Variants in KCNQ1OT1 observed in about 807,000 individuals in gnomAD.
KCNQ1OT1 encodes the protein KCNQ1 opposite strand/antisense transcript 1.
Position 2,642,549 on chromosome 11 carries a change from T to A in KCNQ1OT1, n.57446A>T, listed in dbSNP as rs1849596098. ...TTTTTCATTTTTGATTTTATTCATG[T>A]AGGTCTTCTCTCTTTTCTTCTTGGA... is the stretch of plus-strand genomic sequence containing the variant. On this transcript the variant is annotated non_coding_transcript_exon_variant, in exon 1 of 1. Coordinates refer to ENST00000597346, the Ensembl canonical transcript of KCNQ1OT1. This position sits in a 1 kb window ranked among gnomAD's most constrained non-coding sequence, Gnocchi z 4.3. 2 of 397,914 alleles carry A rather than the reference T, an allele frequency of 5.0e-6. No individual in the cohort carries two copies. The highest frequency in any genetic ancestry group is 8.9e-6 in the Non-Finnish European group (2 of 225,724). The allele number at this position is 397,914 out of a possible 1,614,324, so 24.6% of individuals were successfully genotyped here.
At chr11:2,632,066 C>A (rs1355979212) in exon 1 of KCNQ1OT1, 1 of 396,280 alleles carries the variant, frequency 2.5e-6, no homozygotes, top group Admixed American at 4.4e-5. Flanking sequence ...GCCTGTAGTC[C>A]CAGCTACTTG....
rs548417410 is a variant in KCNQ1OT1 at position 2,610,913 on chromosome 11, A to G, written n.89082T>C. On this transcript the variant is annotated non_coding_transcript_exon_variant, in exon 1 of 1. Coordinates refer to ENST00000597346, the Ensembl canonical transcript of KCNQ1OT1. ...TTTCATCCAAGAATAGTAGTTGGGT[A>G]ATAGTTCAATAACTCACTCTGAATA... 10 of 398,350 alleles carry G rather than the reference A, an allele frequency of 2.5e-5. No homozygotes were observed. In the South Asian group the frequency reaches 8.9e-4, roughly 36 times the overall value. 24.7% of individuals were successfully genotyped at this position (398,350 alleles called of 1,614,324 possible). A position where few individuals can be genotyped will look rare whatever the true frequency, so the allele number is the denominator to read the frequency against.
At chr11:2,685,870 C>T (rs988985171) in exon 1 of KCNQ1OT1, 15 of 398,608 alleles carry the variant, frequency 3.8e-5, no homozygotes, top group Non-Finnish European at 6.6e-5. Flanking sequence ...AGGACTCAGA[C>T]CACAACTAGA....
chr11:2,609,942 A>G (rs1848951238), exon 1 of KCNQ1OT1: 1 of 398,002 alleles, frequency 2.5e-6, no homozygotes, highest in East Asian at 3.6e-5. Flanking sequence ...ATACAGATGG[A>G]TCCTGTTTTT....
In KCNQ1OT1 at chr11:2,678,651, CA is replaced by C. The variant is rs111698879; in HGVS notation, n.21343del. 44,546 of 398,482 alleles carry C rather than the reference CA, an allele frequency of 0.11. 2,826 individuals are homozygous for C. The highest frequency in any genetic ancestry group is 0.19 in the South Asian group (1,467 of 7,842). 24.7% of individuals were successfully genotyped at this position (398,482 alleles called of 1,614,324 possible). Reference sequence around the variant, plus strand: ...GCCAATAATGGGAAGCTCATTTTCACAAATGCAGTCAACCAGGGGAATTCAT... The same window carrying C: ...GCCAATAATGGGAAGCTCATTTTCACAATGCAGTCAACCAGGGGAATTCAT... On this transcript the variant is annotated non_coding_transcript_exon_variant, in exon 1 of 1. Coordinates refer to ENST00000597346, the Ensembl canonical transcript of KCNQ1OT1. The surrounding 1 kb of genome is among the most constrained non-coding windows in gnomAD (Gnocchi z 4.9).
In KCNQ1OT1 at chr11:2,661,359, G is replaced by A. The variant is rs1024847127; in HGVS notation, n.38636C>T. 3 of 405,998 alleles carry A rather than the reference G, an allele frequency of 7.4e-6. No individual in the cohort carries two copies. The highest frequency in any genetic ancestry group is 1.3e-5 in the Non-Finnish European group (3 of 229,968). 25.1% of individuals were successfully genotyped at this position (405,998 alleles called of 1,614,324 possible). ...TGAGCTCCTGTGTCAAAGTTGCAGA[G>A]GTGGGCCCAGGAATCATAATGTGAA... On this transcript the variant is annotated non_coding_transcript_exon_variant, in exon 1 of 1. Transcript: ENST00000597346. This position sits in a 1 kb window ranked among gnomAD's most constrained non-coding sequence, Gnocchi z 5.9.
rs999991115 is a variant in KCNQ1OT1 at position 2,612,256 on chromosome 11, T to C, written n.87739A>G. The C allele has an allele frequency of 2.0e-5, 8 of 398,570 alleles. No individual in the cohort carries two copies. Among genetic ancestry groups the C allele is most frequent in the Non-Finnish European group, 3.5e-5 (8 of 226,056 alleles). 24.7% of individuals were successfully genotyped at this position (398,570 alleles called of 1,614,324 possible). A position where few individuals can be genotyped will look rare whatever the true frequency, so the allele number is the denominator to read the frequency against. ...GCATTAGATTCTCACAGAGAGCAAA[T>C]CCTATTGTGAACTGAGCATGTGAGG... On this transcript the variant is annotated non_coding_transcript_exon_variant, in exon 1 of 1. Coordinates refer to ENST00000597346, the Ensembl canonical transcript of KCNQ1OT1. This position sits in a 1 kb window ranked among gnomAD's most constrained non-coding sequence, Gnocchi z 5.5.
At chr11:2,616,532 T>G in exon 1 of KCNQ1OT1, 1 of 398,098 alleles carries the variant, frequency 2.5e-6, no homozygotes, top group Non-Finnish European at 4.4e-6. Flanking sequence ...ACAGCTATAA[T>G]TTTTCCTCTG....
exon 1 of KCNQ1OT1, chr11:2,631,317 T>C (rs1849349232): frequency 2.5e-6 from 1 of 398,584 alleles, no homozygotes; most frequent in African/African-American, 2.1e-5. Context: ...TTTCAAATAA[T>C]TTATCCTCCA....
At chr11:2,672,870 C>A in exon 1 of KCNQ1OT1, 1 of 398,760 alleles carries the variant, frequency 2.5e-6, no homozygotes, top group Non-Finnish European at 4.4e-6. Flanking sequence ...CATACCCTAG[C>A]CACCTGACTG....
exon 1 of KCNQ1OT1, chr11:2,614,659 C>T (rs900218848): frequency 2.3e-5 from 9 of 398,444 alleles, no homozygotes; most frequent in African/African-American, 1.4e-4. Context: ...ATTCTTGATA[C>T]ATTTGTTGAA....
exon 1 of KCNQ1OT1, chr11:2,648,198 G>C (rs138657168): frequency 5.1e-6 from 2 of 389,176 alleles, no homozygotes; most frequent in African/African-American, 4.4e-5. Flanking sequence ...GAGTGAGACC[G>C]TGTCTCGGGG....
At chr11:2,694,539 A>T in exon 1 of KCNQ1OT1, 1 of 398,616 alleles carries the variant, frequency 2.5e-6, no homozygotes, top group East Asian at 3.6e-5. Flanking sequence ...TCAGATTTTG[A>T]CATGCTATTT....
chr11:2,623,986 C>T lies in KCNQ1OT1; in HGVS notation n.76009G>A. On this transcript the variant is annotated non_coding_transcript_exon_variant, in exon 1 of 1. Coordinates refer to ENST00000597346, the Ensembl canonical transcript of KCNQ1OT1. The surrounding 1 kb of genome is among the most constrained non-coding windows in gnomAD (Gnocchi z 5.2). The stretch of plus-strand genomic sequence containing the variant: ...CCAGGGCTGCACCACTTTACATTCC[C>T]ATTAATGGTATATGTCAAAGTGGCT... 2.5e-6 allele frequency: 1 copy of T among 398,668 alleles called. No homozygotes were observed. Among genetic ancestry groups the T allele is most frequent in the African/African-American group, 2.1e-5 (1 of 48,626 alleles). The allele number at this position is 398,668 out of a possible 1,614,324, so 24.7% of individuals were successfully genotyped here.
At position 2,691,956 on chromosome 11, in the gene KCNQ1OT1, A is replaced by C; in HGVS notation, n.8039T>G. 1 of 398,588 alleles carries C rather than the reference A, an allele frequency of 2.5e-6. No individual in the cohort carries two copies. The highest frequency in any genetic ancestry group is 3.6e-5 in the East Asian group (1 of 28,074). The allele number at this position is 398,588 out of a possible 1,614,324, so 24.7% of individuals were successfully genotyped here. A position where few individuals can be genotyped will look rare whatever the true frequency, so the allele number is the denominator to read the frequency against. On this transcript the variant is annotated non_coding_transcript_exon_variant, in exon 1 of 1. Transcript: ENST00000597346. This position sits in a 1 kb window ranked among gnomAD's most constrained non-coding sequence, Gnocchi z 6.4. ...CCTTCTGGCATGGCCACTAAATGCCAGTGCCTTTCTCTATGCAAACCATTT... is the reference window on the plus strand; with the variant it reads ...CCTTCTGGCATGGCCACTAAATGCCCGTGCCTTTCTCTATGCAAACCATTT...
exon 1 of KCNQ1OT1, chr11:2,638,488 T>G (rs575851067): frequency 9.5e-4 from 144 of 152,340 alleles, no homozygotes; most frequent in African/African-American, 3.4e-3. Context: ...TCTTTAAGAA[T>G]GTTGAATATT....
At chr11:2,614,354 TA>T (rs1849026707) in exon 1 of KCNQ1OT1, 1 of 398,470 alleles carries the variant, frequency 2.5e-6, no homozygotes, top group South Asian at 1.3e-4. Flanking sequence ...GTGCACCCTT[TA>T]AATTTTTTAA....
At position 2,633,172 on chromosome 11, in the gene KCNQ1OT1, A is replaced by G. The variant is rs1039000186; in HGVS notation, n.66823T>C. ...TGCATTTCTGTGATGAGAGATGTTG[A>G]GCATTTTTTCACATACCTGTTGGCC... On this transcript the variant is annotated non_coding_transcript_exon_variant, in exon 1 of 1. Coordinates refer to ENST00000597346, the Ensembl canonical transcript of KCNQ1OT1. The G allele has an allele frequency of 2.8e-5, 11 of 398,516 alleles. No individual in the cohort carries two copies. The Admixed American group carries it at 3.5e-4, about 13-fold the overall frequency. The allele number at this position is 398,516 out of a possible 1,614,324, so 24.7% of individuals were successfully genotyped here. A position where few individuals can be genotyped will look rare whatever the true frequency, so the allele number is the denominator to read the frequency against.
Position 2,612,124 on chromosome 11 carries a change from C to T in KCNQ1OT1, n.87871G>A, listed in dbSNP as rs1464762591. On this transcript the variant is annotated non_coding_transcript_exon_variant, in exon 1 of 1. Transcript: ENST00000597346. The surrounding 1 kb of genome is among the most constrained non-coding windows in gnomAD (Gnocchi z 5.5). ...GGGTTCCCAACCCCAGGGCCATGGA[C>T]TGGTACCAGTCTGTGGCCTATTAGA... is the stretch of plus-strand genomic sequence containing the variant. 2.5e-6 allele frequency: 1 copy of T among 398,540 alleles called. No individual in the cohort carries two copies. Among genetic ancestry groups the T allele is most frequent in the East Asian group, 3.6e-5 (1 of 28,090 alleles). 24.7% of individuals were successfully genotyped at this position (398,540 alleles called of 1,614,324 possible). A position where few individuals can be genotyped will look rare whatever the true frequency, so the allele number is the denominator to read the frequency against.
Sources: allele counts gnomAD v4.1 joint callset, GRCh38; gene constraint gnomAD v4.1.1; non-coding constraint Gnocchi (gnomAD v3.1); transcripts MANE v1.5; gene names NCBI Gene and HGNC (gene_info 2026-07-23, HGNC 2026-07-21).